PCDHAC1: variants seen among roughly 807,000 people sequenced by gnomAD.
PCDHAC1 encodes protocadherin alpha-C1.
In PCDHAC1, 42 loss-of-function variants were observed where a neutral mutation model predicts 60.0. That is an observed-to-expected ratio of 0.70 (90% confidence interval 0.55 to 0.90). PCDHAC1 has a LOEUF of 0.90. Among genes scored for constraint, PCDHAC1 ranks in the 40% least tolerant of loss-of-function variants. PCDHAC1 has a pLI of 0.00. For missense variants in PCDHAC1, 1,160 were observed against 1,222.3 expected, an observed-to-expected ratio of 0.95 and a Z score of 0.76; for synonymous variants, 468 against 499.3, an observed-to-expected ratio of 0.94 and a Z score of 0.84.
intron 3 of PCDHAC1, among the ~76,000 whole-genome samples, chr5:140,987,465 T>C (rs1554249222): frequency 6.6e-6 from 1 of 152,130 alleles, no homozygotes; most frequent in Non-Finnish European, 1.5e-5. Flanking sequence ...TGTTAAGAGC[T>C]CAAGCTTGGG....
chr5:140,943,139 TC>T (rs1314499841), intron 1 of PCDHAC1, among the ~76,000 whole-genome samples: 5 of 151,168 alleles, frequency 3.3e-5, no homozygotes, highest in Non-Finnish European at 5.9e-5. Flanking sequence ...GTGCCTGTAG[TC>T]CCAGCTACTC....
In PCDHAC1 at chr5:140,982,477, C is replaced by G. The variant is rs782587733; in HGVS notation, c.2495C>G (p.Ser832Cys). ...SASLRAGMHS[S>C]VHLEEAGILR... ...TCTGGGTCTGTGTGTTTATTCAGCT[C>G]TGTGCACCTAGAGGAGGCTGGCATT... is the stretch of plus-strand genomic sequence containing the variant. Residue 832 changes from serine to cysteine, a missense_variant and splice_region_variant, in exon 3 of 4, where the codon TCT (serine) becomes TGT (cysteine). Coordinates refer to ENST00000253807, the MANE Select transcript of PCDHAC1 (RefSeq NM_018898.5). 2 of 1,614,188 alleles carry G rather than the reference C, an allele frequency of 1.2e-6. No homozygotes were observed. Among genetic ancestry groups the G allele is most frequent in the Non-Finnish European group, 1.7e-6 (2 of 1,180,030 alleles).
chr5:140,930,841 A>T (rs2087150671), intron 1 of PCDHAC1, among the ~76,000 whole-genome samples: 1 of 152,230 alleles, frequency 6.6e-6, no homozygotes, highest in South Asian at 2.1e-4. Context: ...ATGAATAAAT[A>T]TGTGCATATA....
intron 3 of PCDHAC1, among the ~76,000 whole-genome samples, chr5:141,005,701 CAAAA>C (rs59860837): frequency 2.6e-4 from 2 of 7,790 alleles, no homozygotes; most frequent in African/African-American, 4.7e-4. Flanking sequence ...AACTCCGTCT[CAAAA>C]AAAAAAAAAA....
In PCDHAC1 at chr5:140,927,340, G is replaced by A. The variant is rs77098674; in HGVS notation, c.448G>A (p.Asp150Asn). ...CCGCTTTACTCTCCCGAATGCCCAAGATGACGACGAGGGAAGCAATGGGAT... is the reference window on the plus strand; with the variant it reads ...CCGCTTTACTCTCCCGAATGCCCAAAATGACGACGAGGGAAGCAATGGGAT... ...GARFTLPNAQ[D>N]DDEGSNGILS... The change falls in exon 1 of 4, where the codon GAT becomes AAT. Residue 150 changes from aspartate (D) to asparagine (N), a missense_variant. Asp to Asn is a conservative substitution (Grantham distance 23). Coordinates refer to ENST00000253807, the MANE Select transcript of PCDHAC1 (RefSeq NM_018898.5). The A allele has an allele frequency of 8.1e-6, 13 of 1,614,032 alleles. No individual in the cohort carries two copies. The African/African-American group carries it at 1.5e-4, about 18-fold the overall frequency.
At position 140,969,365 on chromosome 5, in the gene PCDHAC1, C is replaced by T. The variant is rs190730712; in HGVS notation, c.2434-9584C>T. The T allele has an allele frequency of 5.3e-5, 86 of 1,610,040 alleles. No homozygotes were observed. The African/African-American group carries it at 9.2e-4, about 17-fold the overall frequency. On this transcript the variant is annotated intron_variant, in intron 1 of 3. Transcript: ENST00000253807. ...GTGGTCAGGGGGTCTTCTACAAACT[C>T]ATGCATTTGTTACACATCCCCCAAT...
intron 3 of PCDHAC1, among the ~76,000 whole-genome samples, chr5:141,001,598 G>C (rs2098027263): frequency 6.6e-6 from 1 of 152,088 alleles, no homozygotes; most frequent in South Asian, 2.1e-4. Flanking sequence ...ACTCAGATTA[G>C]GTTTGCCCAA....
intron 1 of PCDHAC1, among the ~76,000 whole-genome samples, chr5:140,937,780 C>T (rs1459266022): frequency 3.3e-5 from 5 of 151,656 alleles, no homozygotes; most frequent in African/African-American, 7.3e-5. Flanking sequence ...GGCGTGGTGG[C>T]GGGCGTATGT....
Position 140,927,842 on chromosome 5 carries a change from T to C in PCDHAC1, c.950T>C (p.Val317Ala), listed in dbSNP as rs201721848. 1.9e-6 allele frequency: 3 copies of C among 1,614,140 alleles called. No individual in the cohort carries two copies. The African/African-American group carries it at 4.0e-5, about 22-fold the overall frequency. The change falls in exon 1 of 4, where the codon GTC (valine) becomes GCC (alanine). Residue 317 changes from valine (V) to alanine (A), a missense_variant. Transcript: ENST00000253807. ...TACATTGAGGCGAGGGACGAAGGTG[T>C]CTTTGGTTTAGCTAGCACCGCTAAA... is the stretch of plus-strand genomic sequence containing the variant. ...EAYIEARDEG[V>A]FGLASTAKLL...
chr5:140,932,704 A>G (rs1365268266), intron 1 of PCDHAC1, among the ~76,000 whole-genome samples: 1 of 151,932 alleles, frequency 6.6e-6, no homozygotes, highest in Non-Finnish European at 1.5e-5. Context: ...ACTCATATAG[A>G]CAACACAATA....
Position 140,936,735 on chromosome 5 carries a change from A to G in PCDHAC1, c.2433+7410A>G, listed in dbSNP as rs75635765. 5.4e-3 allele frequency among the ~76,000 whole-genome samples: 829 copies of G among 152,226 alleles called. 3 individuals carry two copies. The highest frequency in any genetic ancestry group is 0.019 in the African/African-American group (798 of 41,528). ...AATACATTCTGTGTTAAATATAGTA[A>G]CTTTTCATTTGTATTGATATCTAAT... On this transcript the variant is annotated intron_variant, in intron 1 of 3. Coordinates refer to ENST00000253807, the MANE Select transcript of PCDHAC1 (RefSeq NM_018898.5).
At chr5:140,951,403 G>A (rs62384504) in intron 1 of PCDHAC1, among the ~76,000 whole-genome samples, 5,903 of 152,130 alleles carry the variant, frequency 0.039, 173 homozygotes, top group Non-Finnish European at 0.058. Flanking sequence ...AAGAAAAGAG[G>A]TTTAATTGGC....
At chr5:141,005,939 C>A (rs1183397075) in intron 3 of PCDHAC1, among the ~76,000 whole-genome samples, 2 of 151,786 alleles carry the variant, frequency 1.3e-5, no homozygotes, top group Non-Finnish European at 2.9e-5. Flanking sequence ...AGAGTGAGAA[C>A]CTATCTCTAA....
At chr5:140,990,778 T>C (rs2097414170) in intron 3 of PCDHAC1, among the ~76,000 whole-genome samples, 1 of 152,208 alleles carries the variant, frequency 6.6e-6, no homozygotes, top group South Asian at 2.1e-4. Flanking sequence ...GGCTCTGTGT[T>C]GGACGATGAA....
chr5:140,943,346 G>C (rs2153662502), intron 1 of PCDHAC1, among the ~76,000 whole-genome samples: 1 of 151,738 alleles, frequency 6.6e-6, no homozygotes, highest in East Asian at 1.9e-4. Context: ...GACAGGATGA[G>C]AGTAGAGGAA....
Position 141,010,460 on chromosome 5 carries a change from A to G in PCDHAC1, c.*523A>G. ...AGACAAATAAACAGCGGAAGTTATC[A>G]GTATGGAGGGGAAGTGTAAACTTAA... On this transcript the variant is annotated 3_prime_UTR_variant, in exon 4 of 4. Coordinates refer to ENST00000253807, the MANE Select transcript of PCDHAC1 (RefSeq NM_018898.5). The G allele has an allele frequency of 1.2e-6, 1 of 835,130 alleles. No individual in the cohort carries two copies. The highest frequency in any genetic ancestry group is 1.8e-6 in the Non-Finnish European group (1 of 562,732). The allele number at this position is 835,130 out of a possible 1,614,324, so 51.7% of individuals were successfully genotyped here.
chr5:140,989,630 G>C (rs1483532761), intron 3 of PCDHAC1, among the ~76,000 whole-genome samples: 4 of 152,228 alleles, frequency 2.6e-5, no homozygotes, highest in Admixed American at 2.6e-4. Context: ...CCTAGTGACA[G>C]CAAGGGTCTT....
chr5:141,009,717 A>C lies in PCDHAC1; in HGVS notation c.2672A>C (p.Gln891Pro). Residue 891 changes from glutamine to proline, a missense_variant, in exon 4 of 4, where the codon CAA becomes CCA. Coordinates refer to ENST00000253807, the MANE Select transcript of PCDHAC1 (RefSeq NM_018898.5). ...AAATACGGACCAGGCAACCCCAAAC[A>C]ATCCGGTCCCGGTGAGTTGCCCGAC... ...TFKYGPGNPK[Q>P]SGPGELPDKF... is the part of the protein sequence containing the mutation. 4 of 1,614,058 alleles carry C rather than the reference A, an allele frequency of 2.5e-6. No homozygotes were observed. The highest frequency in any genetic ancestry group is 3.4e-6 in the Non-Finnish European group (4 of 1,180,004).
chr5:140,982,488 G>C lies in PCDHAC1; in HGVS notation c.2506G>C (p.Glu836Gln), dbSNP rs782419098. 3 of 1,614,212 alleles carry C rather than the reference G, an allele frequency of 1.9e-6. No individual in the cohort carries two copies. Among genetic ancestry groups the C allele is most frequent in the Non-Finnish European group, 2.5e-6 (3 of 1,180,036 alleles). The change falls in exon 3 of 4, where the codon GAG becomes CAG. Residue 836 changes from glutamate to glutamine, a missense_variant. Glu to Gln is a conservative substitution (Grantham distance 29). This residue lies in a region of PCDHAC1 where 1,113 missense variants were observed against 1,163.7 expected (regional missense o/e 0.96). Coordinates refer to ENST00000253807, the MANE Select transcript of PCDHAC1 (RefSeq NM_018898.5). ...RAGMHSSVHLEEAGILRAGPG... is the reference protein window; with the variant it reads ...RAGMHSSVHLQEAGILRAGPG... The stretch of plus-strand genomic sequence containing the variant: ...GTGTTTATTCAGCTCTGTGCACCTA[G>C]AGGAGGCTGGCATTCTACGGGCTGG...
Sources: allele counts gnomAD v4.1 joint callset (sites outside exome capture counted in the v4.1 genomes callset), GRCh38; gene constraint gnomAD v4.1.1; regional missense constraint gnomAD v4.1.1; transcripts MANE v1.5; gene names NCBI Gene and HGNC (gene_info 2026-07-23, HGNC 2026-07-21).